The following RPRD1A variants were observed in gnomAD, a reference collection of about 807,000 sequenced individuals.
RPRD1A encodes the protein regulation of nuclear pre-mRNA domain containing 1A.
Under a neutral mutation model 37.8 loss-of-function variants are expected in RPRD1A, and 9 were observed. The observed-to-expected ratio is 0.24, with a 90% CI of 0.14 to 0.42. The LOEUF is 0.42. Among genes scored for constraint, RPRD1A ranks in the 10% least tolerant of loss-of-function variants. The pLI is 1.00. For missense variants in RPRD1A, 255 were observed against 371.0 expected, an observed-to-expected ratio of 0.69 and a Z score of 2.57; for synonymous variants, 138 against 139.7, an observed-to-expected ratio of 0.99 and a Z score of 0.08.
At chr18:36,057,855 ATAGGTTCCCAATTAC>A (rs1417289635) in intron 1 of RPRD1A, among the ~76,000 whole-genome samples, 1 of 152,170 alleles carries the variant, frequency 6.6e-6, no homozygotes. Flanking sequence ...ATAAACTAGG[ATAGGTTCCCAATTAC>A]ATTTCTCCTT....
At chr18:36,060,048 G>C (rs1220813474) in intron 1 of RPRD1A, among the ~76,000 whole-genome samples, 2 of 152,114 alleles carry the variant, frequency 1.3e-5, no homozygotes, top group Admixed American at 1.3e-4. Flanking sequence ...AACAGTATCA[G>C]ACAATATAAA....
intron 6 of RPRD1A, among the ~76,000 whole-genome samples, chr18:36,015,587 T>C (rs1910498352): frequency 6.6e-6 from 1 of 152,170 alleles, no homozygotes; most frequent in South Asian, 2.1e-4. Flanking sequence ...TATACAGCCA[T>C]GGACAAATGA....
intron 1 of RPRD1A, among the ~76,000 whole-genome samples, chr18:36,045,702 A>C (rs552662760): frequency 2.6e-5 from 4 of 152,354 alleles, no homozygotes; most frequent in Admixed American, 2.6e-4. Flanking sequence ...CTAAGTAACT[A>C]TTATTAGTGA....
At chr18:36,029,342 A>C (rs1042099372) in intron 4 of RPRD1A, among the ~76,000 whole-genome samples, 2 of 151,800 alleles carry the variant, frequency 1.3e-5, no homozygotes. Flanking sequence ...CAGTCCTCTA[A>C]CTCCCACGGA....
chr18:36,020,067 G>C (rs1486619758), intron 6 of RPRD1A, among the ~76,000 whole-genome samples: 1 of 152,100 alleles, frequency 6.6e-6, no homozygotes, highest in East Asian at 1.9e-4. Flanking sequence ...GGAAAGGAAT[G>C]GAAAGGACGA....
At chr18:35,995,037 T>C (rs974381912) in intron 6 of RPRD1A, among the ~76,000 whole-genome samples, 3 of 152,096 alleles carry the variant, frequency 2.0e-5, no homozygotes, top group African/African-American at 7.2e-5. Context: ...AGTGAGCTAA[T>C]AGCAAAATGC....
chr18:36,008,695 G>C (rs1462267031), intron 6 of RPRD1A, among the ~76,000 whole-genome samples: 1 of 150,030 alleles, frequency 6.7e-6, no homozygotes, highest in Non-Finnish European at 1.5e-5. Flanking sequence ...CTGAAATTTT[G>C]TATGACATTT....
At chr18:36,044,021 AAAGT>A (rs1251038263) in intron 1 of RPRD1A, among the ~76,000 whole-genome samples, 28 of 152,214 alleles carry the variant, frequency 1.8e-4, no homozygotes, top group Non-Finnish European at 3.7e-4. Flanking sequence ...TTCTGACACT[AAAGT>A]AAGCTAGAGA....
chr18:36,005,911 G>A (rs931040351), intron 6 of RPRD1A, among the ~76,000 whole-genome samples: 1 of 150,732 alleles, frequency 6.6e-6, no homozygotes, highest in Non-Finnish European at 1.5e-5. Flanking sequence ...TTTTTTTAAA[G>A]ACTAAAGGAA....
chr18:36,025,293 G>GT (rs1226389656), intron 6 of RPRD1A: 4 of 217,890 alleles, frequency 1.8e-5, no homozygotes, highest in African/African-American at 9.3e-5. Flanking sequence ...ATCCTGCTGT[G>GT]TAAGATTAAA....
Position 36,033,940 on chromosome 18 carries a change from T to C in RPRD1A, c.152-103A>G, listed in dbSNP as rs576451231. The C allele has an allele frequency of 3.3e-6, 3 of 921,138 alleles. No homozygotes were observed. In the South Asian group the frequency reaches 5.6e-5, roughly 17 times the overall value. The allele number at this position is 921,138 out of a possible 1,614,324, so 57.1% of individuals were successfully genotyped here. The stretch of plus-strand genomic sequence containing the variant: ...ATTTTGAGAACTAAAATAACCCTAC[T>C]AACCTTTATGTATCATTTCAACCCT... On this transcript the variant is annotated intron_variant, in intron 1 of 6. Coordinates refer to ENST00000399022, the MANE Select transcript of RPRD1A (RefSeq NM_018170.5).
In RPRD1A at chr18:36,034,979, T is replaced by A. The variant is rs141757169; in HGVS notation, c.152-1142A>T. ...TATAACCTGGTTTGTCTGTTTAAAT[T>A]GCTGTCTACCACTTTTCATGATTTT... On this transcript the variant is annotated intron_variant, in intron 1 of 6. Coordinates refer to ENST00000399022, the MANE Select transcript of RPRD1A (RefSeq NM_018170.5). 3.2e-3 allele frequency among the ~76,000 whole-genome samples: 488 copies of A among 152,344 alleles called. 5 individuals carry two copies. The highest frequency in any genetic ancestry group is 0.011 in the African/African-American group (462 of 41,582).
intron 6 of RPRD1A, among the ~76,000 whole-genome samples, chr18:36,013,358 A>G (rs1382366694): frequency 6.6e-6 from 1 of 152,222 alleles, no homozygotes; most frequent in Non-Finnish European, 1.5e-5. Context: ...GTGAGGCAAA[A>G]CAAAAGATGA....
chr18:36,045,661 C>T (rs1254408871), intron 1 of RPRD1A, among the ~76,000 whole-genome samples: 8 of 152,298 alleles, frequency 5.3e-5, no homozygotes, highest in East Asian at 1.9e-4. Flanking sequence ...ATTAGACATT[C>T]GCAACTTTGC....
At chr18:35,999,260 C>T (rs1191238174) in intron 6 of RPRD1A, among the ~76,000 whole-genome samples, 4 of 152,160 alleles carry the variant, frequency 2.6e-5, no homozygotes, top group Admixed American at 6.5e-5. Context: ...GTACTGTTTC[C>T]TCAATCTACT....
At chr18:36,047,208 G>T (rs941360535) in intron 1 of RPRD1A, among the ~76,000 whole-genome samples, 10 of 150,114 alleles carry the variant, frequency 6.7e-5, no homozygotes, top group South Asian at 2.1e-4. Context: ...ACCCTGTCTC[G>T]AAATAAATAA....
chr18:36,040,257 T>C (rs1431416190), intron 1 of RPRD1A, among the ~76,000 whole-genome samples: 1 of 152,194 alleles, frequency 6.6e-6, no homozygotes, highest in Non-Finnish European at 1.5e-5. Flanking sequence ...AAATAATTAC[T>C]TGGTATCTAC....
intron 1 of RPRD1A, among the ~76,000 whole-genome samples, chr18:36,057,020 G>C (rs1281958279): frequency 8.4e-6 from 1 of 119,050 alleles, no homozygotes; most frequent in Non-Finnish European, 1.6e-5. Context: ...TTCGAGACCA[G>C]CCTCAGCAAC....
At chr18:35,999,848 T>A (rs1412035185) in intron 6 of RPRD1A, among the ~76,000 whole-genome samples, 1 of 152,210 alleles carries the variant, frequency 6.6e-6, no homozygotes, top group Admixed American at 6.5e-5. Flanking sequence ...TAGTATAATG[T>A]CCTTTGCCTC....
Sources: allele counts gnomAD v4.1 joint callset (sites outside exome capture counted in the v4.1 genomes callset), GRCh38; gene constraint gnomAD v4.1.1; transcripts MANE v1.5; gene names NCBI Gene and HGNC (gene_info 2026-07-23, HGNC 2026-07-21).